Variants in FBXO44 observed in about 807,000 individuals in gnomAD.
FBXO44 encodes F-box protein 44.
FBXO44 carries 25 observed loss-of-function variants against 33.5 expected under a neutral mutation model. The ratio of observed to expected loss-of-function variants is 0.75; its 90% confidence interval spans 0.54 to 1.04. The LOEUF is 1.04. FBXO44 is among the 50% of genes least tolerant of loss of function. The pLI is 0.00. For missense variants in FBXO44, 311 were observed against 344.0 expected, an observed-to-expected ratio of 0.90 and a Z score of 0.76; for synonymous variants, 147 against 152.8, an observed-to-expected ratio of 0.96 and a Z score of 0.28.
chr1:11,658,473 C>T, intron 3 of FBXO44, 60 bp from the exon 4 acceptor site: 3 of 1,608,844 alleles, frequency 1.9e-6, no homozygotes, highest in Non-Finnish European at 2.5e-6. Flanking sequence ...AGGGGCAGTC[C>T]TAGCCCCTCA....
chr1:11,658,643 C>T lies in FBXO44; in HGVS notation c.488+15C>T, dbSNP rs200779554. 753 of 1,605,976 alleles carry T rather than the reference C, an allele frequency of 4.7e-4. No individual in the cohort carries two copies. The highest frequency in any genetic ancestry group is 6.0e-4 in the Non-Finnish European group (704 of 1,176,028). On this transcript the variant is annotated intron_variant, in intron 4 of 5. Coordinates refer to ENST00000251547, the MANE Select transcript of FBXO44 (RefSeq NM_033182.7). ...GTCAAGGACTGGTGAGTGCCTGGGG[C>T]GAGGGTCTGGGGTGGGGCATGCCAA...
chr1:11,660,944 AT>A (rs911935226), intron 5 of FBXO44, among the ~76,000 whole-genome samples, 185 bp from the exon 6 acceptor site: 3 of 145,966 alleles, frequency 2.1e-5, no homozygotes, highest in Admixed American at 6.9e-5. Flanking sequence ...TGCCTGGCTA[AT>A]TTTTTTTTTC....
At position 11,658,814 on chromosome 1, in the gene FBXO44, G is replaced by T; in HGVS notation, c.567G>T (p.Gly189=). ...TGTCGTCCGCGCACGCGCCTCTGGG[G>T]ACCTTCCAGCCAGACCCGGCGACCA... ...QLLSSAHAPL[G]TFQPDPATIQ... is the part of the protein sequence containing the mutation. The change falls in exon 5 of 6, where the codon GGG becomes GGT. Residue 189 remains glycine, a synonymous_variant. Coordinates refer to ENST00000251547, the MANE Select transcript of FBXO44 (RefSeq NM_033182.7). 6.2e-7 allele frequency: 1 copy of T among 1,613,498 alleles called. No homozygotes were observed. Among genetic ancestry groups the T allele is most frequent in the Non-Finnish European group, 8.5e-7 (1 of 1,180,004 alleles).
At chr1:11,658,198 G>T in intron 2 of FBXO44, 69 bp from the exon 3 acceptor site, 1 of 1,604,698 alleles carries the variant, frequency 6.2e-7, no homozygotes, top group Non-Finnish European at 8.5e-7. Context: ...GAGTGGGGAG[G>T]AAGGGGCATT....
chr1:11,658,972 C>A, intron 5 of FBXO44, 101 bp downstream of exon 5: 1 of 1,441,442 alleles, frequency 6.9e-7, no homozygotes, highest in Admixed American at 2.0e-5. Context: ...ACCTTCTCAC[C>A]TGTGCTTCCA....
chr1:11,655,543 A>C, intron 1 of FBXO44: 1 of 464,322 alleles, frequency 2.2e-6, no homozygotes, highest in Non-Finnish European at 3.9e-6. Flanking sequence ...GGAATCAAAG[A>C]AGATCCGGGC....
chr1:11,658,632 A>G lies in FBXO44; in HGVS notation c.488+4A>G. 1 of 1,601,214 alleles carries G rather than the reference A, an allele frequency of 6.2e-7. No homozygotes were observed. The highest frequency in any genetic ancestry group is 1.1e-5 in the South Asian group (1 of 90,828). On this transcript the variant is annotated splice_donor_region_variant and intron_variant, in intron 4 of 5. Coordinates refer to ENST00000251547, the MANE Select transcript of FBXO44 (RefSeq NM_033182.7). ...CGGACATCGAGGTCAAGGACTGGTG[A>G]GTGCCTGGGGCGAGGGTCTGGGGTG... is the stretch of plus-strand genomic sequence containing the variant.
upstream of FBXO44, chr1:11,654,414 G>A: frequency 1.5e-6 from 2 of 1,311,670 alleles, no homozygotes; most frequent in Non-Finnish European, 1.9e-6. Flanking sequence ...GGCGAGTCCC[G>A]GCGCTGTCCG....
chr1:11,659,366 G>A (rs1445289057), intron 5 of FBXO44, among the ~76,000 whole-genome samples: 4 of 151,388 alleles, frequency 2.6e-5, no homozygotes, highest in South Asian at 2.1e-4. Flanking sequence ...CAACAAGAGC[G>A]AAACTCCATC....
At chr1:11,656,740 C>G (rs144533111) in intron 2 of FBXO44, among the ~76,000 whole-genome samples, 10,540 of 152,184 alleles carry the variant, frequency 0.069, 520 homozygotes, top group African/African-American at 0.13. Flanking sequence ...TGGGATTACA[C>G]GCATGAGCCA....
At chr1:11,659,112 G>T (rs1263086785) in intron 5 of FBXO44, among the ~76,000 whole-genome samples, 1 of 152,254 alleles carries the variant, frequency 6.6e-6, no homozygotes, top group African/African-American at 2.4e-5. Context: ...GGTTGGCAGG[G>T]CGTAGTGGCT....
upstream of FBXO44, chr1:11,654,456 T>TA: frequency 8.9e-7 from 1 of 1,119,532 alleles, no homozygotes; most frequent in Non-Finnish European, 1.2e-6. Flanking sequence ...CCGCGCCTCT[T>TA]AAAGGCCCCC....
At chr1:11,657,838 C>T (rs951594933) in intron 2 of FBXO44, among the ~76,000 whole-genome samples, 2 of 152,154 alleles carry the variant, frequency 1.3e-5, no homozygotes, top group African/African-American at 4.8e-5. Context: ...ATGTGGGCCA[C>T]AAGTCCTAAA....
At chr1:11,659,000 C>T (rs984888283) in intron 5 of FBXO44, 129 bp downstream of exon 5, 20 of 1,221,740 alleles carry the variant, frequency 1.6e-5, no homozygotes, top group Admixed American at 5.1e-5. Context: ...GAGCTTCACT[C>T]GCTGTTTCTG....
intron 2 of FBXO44, 126 bp from the exon 3 acceptor site, chr1:11,658,141 G>A (rs764119851): frequency 1.7e-5 from 26 of 1,497,256 alleles, no homozygotes; most frequent in Admixed American, 1.3e-4. Flanking sequence ...GATCTGCAGC[G>A]TCCCACAGCA....
Position 11,661,258 on chromosome 1 carries a change from G to T in FBXO44, c.753G>T (p.Gly251=), listed in dbSNP as rs200874938. 9 of 1,613,924 alleles carry T rather than the reference G, an allele frequency of 5.6e-6. No individual in the cohort carries two copies. The highest frequency in any genetic ancestry group is 1.1e-5 in the South Asian group (1 of 91,068). ...TCACCAACAGCAGCATCACCATCGG[G>T]CCCCCGCTGCCCTGACACCCCCTGA... ...PRVTNSSITI[G]PPLP Residue 251 remains glycine, a synonymous_variant, in exon 6 of 6, where the codon GGG becomes GGT. Transcript: ENST00000251547. The surrounding 1 kb of genome is among the most constrained non-coding windows in gnomAD (Gnocchi z 4.4).
Position 11,661,026 on chromosome 1 carries a change from T to C in FBXO44, c.625-104T>C. The C allele has an allele frequency of 8.0e-7, 1 of 1,243,282 alleles. No homozygotes were observed. Among genetic ancestry groups the C allele is most frequent in the Non-Finnish European group, 1.1e-6 (1 of 887,430 alleles). 77.0% of individuals were successfully genotyped at this position (1,243,282 alleles called of 1,614,324 possible). A position where few individuals can be genotyped will look rare whatever the true frequency, so the allele number is the denominator to read the frequency against. On this transcript the variant is annotated intron_variant, in intron 5 of 5. Transcript: ENST00000251547. The surrounding 1 kb of genome is among the most constrained non-coding windows in gnomAD (Gnocchi z 4.4). ...GCAAACTCCTGGGCTCAAACAACCC[T>C]CCCACCTCAGCCTCCCAAAGTACTG...
chr1:11,656,305 T>C lies in FBXO44; in HGVS notation c.265+205T>C, dbSNP rs569385370. On this transcript the variant is annotated intron_variant, in intron 2 of 5. Transcript: ENST00000251547. ...CAAGAGTGGTGTTTCTTATTCTTACTATACTCTTTTTTTTTTTTTTTTTTT... is the reference window on the plus strand; with the variant it reads ...CAAGAGTGGTGTTTCTTATTCTTACCATACTCTTTTTTTTTTTTTTTTTTT... Among the ~76,000 whole-genome samples the C allele has an allele frequency of 8.2e-5, 12 of 145,502 alleles. No individual in the cohort carries two copies. The East Asian group carries it at 2.4e-3, about 29-fold the overall frequency.
Position 11,661,315 on chromosome 1 carries a change from A to T in FBXO44, c.*42A>T. 1 of 1,610,332 alleles carries T rather than the reference A, an allele frequency of 6.2e-7. No individual in the cohort carries two copies. The highest frequency in any genetic ancestry group is 8.5e-7 in the Non-Finnish European group (1 of 1,177,150). ...ATCTGCTGAACCCTGACTGGTAAAC[A>T]ACTGCTGTCAGAAAAGGGCTGGGCT... On this transcript the variant is annotated 3_prime_UTR_variant, in exon 6 of 6. Coordinates refer to ENST00000251547, the MANE Select transcript of FBXO44 (RefSeq NM_033182.7). The surrounding 1 kb of genome is among the most constrained non-coding windows in gnomAD (Gnocchi z 4.4).
Sources: allele counts gnomAD v4.1 joint callset (sites outside exome capture counted in the v4.1 genomes callset), GRCh38; gene constraint gnomAD v4.1.1; non-coding constraint Gnocchi (gnomAD v3.1); transcripts MANE v1.5; gene names NCBI Gene and HGNC (gene_info 2026-07-23, HGNC 2026-07-21).